Variants in SRFBP1 observed in about 807,000 individuals in gnomAD.
SRFBP1 encodes the protein serum response factor-binding protein 1.
Under a neutral mutation model 45.5 loss-of-function variants are expected in SRFBP1, and 47 were observed. That is an observed-to-expected ratio of 1.03 (90% CI 0.82 to 1.32). SRFBP1 has a LOEUF of 1.32. SRFBP1 is among the 40% of genes most tolerant of loss of function. SRFBP1 has a pLI of 0.00. For missense variants in SRFBP1, 621 were observed against 484.6 expected (o/e 1.28, Z -2.64); for synonymous variants, 203 against 166.3 (o/e 1.22, Z -1.70).
intron 4 of SRFBP1, among the ~76,000 whole-genome samples, chr5:121,998,330 C>T (rs1178213113): frequency 1.1e-3 from 171 of 149,472 alleles, no homozygotes; most frequent in African/African-American, 4.0e-3. Flanking sequence ...GAATACTATG[C>T]AGCCATAAAA....
intron 7 of SRFBP1, among the ~76,000 whole-genome samples, chr5:122,023,792 T>C (rs999618821): frequency 1.1e-4 from 17 of 152,192 alleles, no homozygotes; most frequent in African/African-American, 3.9e-4. Flanking sequence ...ACTATACACC[T>C]CCTCAAAAAC....
chr5:121,994,943 A>C (rs7722155), intron 4 of SRFBP1, among the ~76,000 whole-genome samples: 3 of 151,892 alleles, frequency 2.0e-5, no homozygotes, highest in African/African-American at 7.3e-5. Flanking sequence ...TGATCATACT[A>C]CTTAAAACTA....
rs905695842 is a variant in SRFBP1, at chr5:121,996,868, C to T, written c.270+2198C>T. ...AATCACAAGCATTCTTATACACCAA[C>T]AACAGACAACCAGAGAGCCAAATCA... is the stretch of plus-strand genomic sequence containing the variant. On this transcript the variant is annotated intron_variant, in intron 4 of 7. Coordinates refer to ENST00000339397, the MANE Select transcript of SRFBP1 (RefSeq NM_152546.3). 2.4e-3 allele frequency among the ~76,000 whole-genome samples: 359 copies of T among 147,498 alleles called. 1 individual carries two copies. The highest frequency in any genetic ancestry group is 4.1e-3 in the Admixed American group (61 of 14,828).
intron 2 of SRFBP1, among the ~76,000 whole-genome samples, chr5:122,059,805 T>C (rs1046107453): frequency 3.3e-5 from 5 of 152,128 alleles, no homozygotes; most frequent in Non-Finnish European, 7.4e-5. Flanking sequence ...GAGTGCAACG[T>C]ACCCTAATGT....
intron 6 of SRFBP1, among the ~76,000 whole-genome samples, chr5:122,021,104 T>G (rs1020316409): frequency 1.3e-5 from 2 of 152,244 alleles, no homozygotes; most frequent in African/African-American, 4.8e-5. Context: ...GATGAAAAAC[T>G]TTTGAAAATG....
chr5:121,997,255 C>G (rs1431220200), intron 4 of SRFBP1, among the ~76,000 whole-genome samples: 2 of 148,898 alleles, frequency 1.3e-5, no homozygotes, highest in African/African-American at 5.0e-5. Context: ...CACTACCTGA[C>G]TTCAAACTAT....
intron 2 of SRFBP1, among the ~76,000 whole-genome samples, chr5:122,050,864 T>G (rs919747133): frequency 6.6e-6 from 1 of 152,136 alleles, no homozygotes; most frequent in Non-Finnish European, 1.5e-5. Context: ...TTGAGATCTT[T>G]CTTACTTTTT....
chr5:121,985,539 C>T (rs1752495132), intron 3 of SRFBP1, among the ~76,000 whole-genome samples: 1 of 151,636 alleles, frequency 6.6e-6, no homozygotes, highest in Non-Finnish European at 1.5e-5. Flanking sequence ...GAATGAAAGA[C>T]ATAGTTATTA....
At chr5:122,042,626 T>C (rs563297561) in intron 2 of SRFBP1, among the ~76,000 whole-genome samples, 1 of 152,358 alleles carries the variant, frequency 6.6e-6, no homozygotes, top group East Asian at 1.9e-4. Context: ...ATTTGTGTTT[T>C]ATACTTCTTT....
chr5:122,013,389 A>G (rs951692033), intron 4 of SRFBP1, among the ~76,000 whole-genome samples: 1 of 152,158 alleles, frequency 6.6e-6, no homozygotes, highest in Admixed American at 6.5e-5. Flanking sequence ...AAATTACGGT[A>G]CAAAGTAGAT....
intron 7 of SRFBP1, among the ~76,000 whole-genome samples, chr5:122,024,470 A>G (rs868567336): frequency 4.6e-5 from 7 of 152,088 alleles, no homozygotes; most frequent in South Asian, 2.1e-4. Context: ...TAGGAATTTT[A>G]TTCTGTCTTG....
At chr5:122,077,618 T>G, downstream of SRFBP1, 1 of 1,611,798 alleles carries the variant, frequency 6.2e-7, no homozygotes. The surrounding 1 kb of genome is among the most constrained non-coding windows in gnomAD (Gnocchi z 4.9). Context: ...TTGGAACCAG[T>G]GACGGGCGGT....
intron 4 of SRFBP1, among the ~76,000 whole-genome samples, chr5:122,012,942 A>G (rs978274702): frequency 6.6e-6 from 1 of 152,084 alleles, no homozygotes; most frequent in Non-Finnish European, 1.5e-5. Flanking sequence ...TTAAATTTCT[A>G]GGAGTTTTTG....
chr5:121,962,991 C>T (rs1368386028), intron 1 of SRFBP1, among the ~76,000 whole-genome samples: 1 of 152,164 alleles, frequency 6.6e-6, no homozygotes, highest in Non-Finnish European at 1.5e-5. Context: ...AGAATGCCTC[C>T]AAAACCTAGT....
chr5:122,033,946 CCTGGGTAG>C (rs965707925), intron 2 of SRFBP1, among the ~76,000 whole-genome samples: 11 of 151,156 alleles, frequency 7.3e-5, no homozygotes, highest in Non-Finnish European at 1.2e-4. Context: ...GCCTCAGCCT[CCTGGGTAG>C]CTGGGATTAC....
At chr5:121,975,511 G>T (rs1752286577) in intron 3 of SRFBP1, 124 bp downstream of exon 3, 2 of 1,014,568 alleles carry the variant, frequency 2.0e-6, no homozygotes. Context: ...TCTTGTATCA[G>T]TCTGTTTGGT....
At chr5:122,046,106 T>A (rs147942349) in intron 2 of SRFBP1, among the ~76,000 whole-genome samples, 6,449 of 152,200 alleles carry the variant, frequency 0.042, 160 homozygotes, top group African/African-American at 0.053. Flanking sequence ...TGCAGGTTAG[T>A]TACACATGTA....
intron 2 of SRFBP1, chr5:122,075,191 C>G: frequency 4.3e-6 from 2 of 467,724 alleles, no homozygotes. Context: ...CTATCAACAG[C>G]TTTAATAAGC....
At chr5:121,965,193 A>C (rs1452803005) in intron 1 of SRFBP1, among the ~76,000 whole-genome samples, 1 of 152,110 alleles carries the variant, frequency 6.6e-6, no homozygotes, top group Non-Finnish European at 1.5e-5. Context: ...CTTTAGTTTA[A>C]TTAGATCCCA....
Sources: gnomAD v4.1 joint callset for allele counts (sites outside exome capture counted in the v4.1 genomes callset) on GRCh38, gnomAD v4.1.1 for gene constraint, Gnocchi (gnomAD v3.1) non-coding constraint, MANE v1.5 for transcripts, NCBI Gene and HGNC (gene_info 2026-07-23, HGNC 2026-07-21) for gene names.